The following ERBB4 variants were observed in gnomAD, a reference collection of about 807,000 sequenced individuals.
ERBB4 encodes the protein receptor tyrosine-protein kinase erbB-4.
A neutral mutation model predicts 158.0 loss-of-function variants in ERBB4; 42 were observed. That is an observed-to-expected ratio of 0.27 (90% CI 0.21 to 0.34). The LOEUF is 0.34. Ranked by LOEUF, ERBB4 falls within the 10% of genes least tolerant of loss-of-function variation. ERBB4 has a pLI of 1.00. For missense variants in ERBB4, 1,333 were observed against 1,624.1 expected (o/e 0.82, Z 3.08); for synonymous variants, 583 against 558.7 (o/e 1.04, Z -0.61).
chr2:211,889,218 C>T (rs2078895846), intron 3 of ERBB4, among the ~76,000 whole-genome samples: 1 of 145,080 alleles, frequency 6.9e-6, no homozygotes. Context: ...CCGCAGACTG[C>T]CTCCTCAAGT....
intron 19 of ERBB4, among the ~76,000 whole-genome samples, chr2:211,587,606 T>G (rs1408042820): frequency 6.6e-6 from 1 of 152,062 alleles, no homozygotes; most frequent in Non-Finnish European, 1.5e-5. Flanking sequence ...AATTCTGGTT[T>G]CCAGAACTGT....
At chr2:211,954,268 T>C (rs1457418748) in intron 2 of ERBB4, among the ~76,000 whole-genome samples, 1 of 152,084 alleles carries the variant, frequency 6.6e-6, no homozygotes, top group Non-Finnish European at 1.5e-5. Flanking sequence ...TTAATAAGTG[T>C]TTAGAATGAT....
chr2:212,499,771 T>C (rs1690782313), intron 1 of ERBB4, among the ~76,000 whole-genome samples: 2 of 152,098 alleles, frequency 1.3e-5, no homozygotes, highest in Admixed American at 6.6e-5. Context: ...GGAAATTGGA[T>C]TCGTTTAGAA....
intron 1 of ERBB4, among the ~76,000 whole-genome samples, chr2:212,417,795 A>T (rs1172954987): frequency 1.3e-5 from 2 of 152,014 alleles, no homozygotes; most frequent in Admixed American, 6.6e-5. Context: ...ATGACACAGA[A>T]ATAAGTTACA....
intron 1 of ERBB4, among the ~76,000 whole-genome samples, chr2:212,197,563 T>C (rs1378281349): frequency 6.6e-6 from 1 of 152,204 alleles, no homozygotes; most frequent in Non-Finnish European, 1.5e-5. Context: ...CAGAACTATG[T>C]TATTAATCAA....
At chr2:212,163,811 G>C (rs1451730755) in intron 1 of ERBB4, among the ~76,000 whole-genome samples, 1 of 151,936 alleles carries the variant, frequency 6.6e-6, no homozygotes, top group Admixed American at 6.6e-5. Flanking sequence ...GTTTTTGTTT[G>C]AGGGAGGGTC....
chr2:211,544,475 G>A (rs570673983), intron 20 of ERBB4, among the ~76,000 whole-genome samples: 134 of 152,070 alleles, frequency 8.8e-4, no homozygotes, highest in Non-Finnish European at 1.6e-3. Context: ...AAACGCTTGG[G>A]TCGAGCTGAA....
At chr2:212,209,491 G>A (rs4145961) in intron 1 of ERBB4, among the ~76,000 whole-genome samples, 112,097 of 151,958 alleles carry the variant, frequency 0.74, 41,516 homozygotes, top group South Asian at 0.85. Context: ...CATTTTGCTC[G>A]TCTACTCTCA....
At chr2:212,030,293 C>T (rs1193018738) in intron 2 of ERBB4, among the ~76,000 whole-genome samples, 1 of 152,104 alleles carries the variant, frequency 6.6e-6, no homozygotes, top group Non-Finnish European at 1.5e-5. Context: ...GTATCCTGCA[C>T]CAGCCGTCTA....
At chr2:211,610,503 C>T (rs1055331755) in intron 19 of ERBB4, among the ~76,000 whole-genome samples, 2 of 152,120 alleles carry the variant, frequency 1.3e-5, no homozygotes, top group African/African-American at 2.4e-5. Flanking sequence ...AGATTTCTAC[C>T]TGCATTTTAT....
At chr2:212,291,350 C>T (rs2086198959) in intron 1 of ERBB4, among the ~76,000 whole-genome samples, 1 of 151,910 alleles carries the variant, frequency 6.6e-6, no homozygotes, top group Non-Finnish European at 1.5e-5. Context: ...AGTTGATAGT[C>T]CTGAATATAT....
intron 20 of ERBB4, among the ~76,000 whole-genome samples, chr2:211,471,299 C>T (rs1404435289): frequency 2.0e-5 from 3 of 152,116 alleles, no homozygotes; most frequent in East Asian, 3.9e-4. Context: ...AAACCATGAG[C>T]CAAGCCTTTC....
intron 1 of ERBB4, among the ~76,000 whole-genome samples, chr2:212,363,779 T>C (rs964094857): frequency 9.9e-5 from 15 of 151,852 alleles, no homozygotes; most frequent in African/African-American, 3.6e-4. Flanking sequence ...TCACAATTGG[T>C]AGTGTGACAA....
At chr2:211,861,717 T>G (rs1385351432) in intron 3 of ERBB4, among the ~76,000 whole-genome samples, 1 of 152,186 alleles carries the variant, frequency 6.6e-6, no homozygotes, top group Non-Finnish European at 1.5e-5. Flanking sequence ...GAAAATGTAT[T>G]ACTCTAGAAT....
chr2:211,694,316 G>A (rs1441076234), intron 12 of ERBB4, among the ~76,000 whole-genome samples: 3 of 152,022 alleles, frequency 2.0e-5, no homozygotes, highest in African/African-American at 4.8e-5. Flanking sequence ...GGCAAGTCAG[G>A]TTAAAATATC....
intron 2 of ERBB4, among the ~76,000 whole-genome samples, chr2:212,099,868 T>A (rs188826984): frequency 4.1e-4 from 62 of 151,950 alleles, no homozygotes; most frequent in African/African-American, 1.4e-3. Flanking sequence ...AGAAGGGCTA[T>A]CTACAGTTAG....
intron 2 of ERBB4, among the ~76,000 whole-genome samples, chr2:212,087,731 C>T (rs896539419): frequency 6.6e-6 from 1 of 152,006 alleles, no homozygotes; most frequent in Non-Finnish European, 1.5e-5. Flanking sequence ...GTTTGCTGCA[C>T]TAGATACTTC....
At chr2:211,959,466 T>C (rs2081122190) in intron 2 of ERBB4, among the ~76,000 whole-genome samples, 1 of 152,132 alleles carries the variant, frequency 6.6e-6, no homozygotes, top group Non-Finnish European at 1.5e-5. Flanking sequence ...TTTCTGGTCA[T>C]ACATTGGCAC....
chr2:211,529,993 C>A (rs1488407601), intron 20 of ERBB4, among the ~76,000 whole-genome samples: 1 of 152,072 alleles, frequency 6.6e-6, no homozygotes, highest in Admixed American at 6.6e-5. Context: ...AAGTGGATAT[C>A]TGAATAGAGG....
Sources: allele counts gnomAD v4.1 joint callset (sites outside exome capture counted in the v4.1 genomes callset), GRCh38; gene constraint gnomAD v4.1.1; transcripts MANE v1.5; gene names NCBI Gene and HGNC (gene_info 2026-07-23, HGNC 2026-07-21).